MTIF2: variants seen among roughly 807,000 people sequenced by gnomAD.
The protein encoded by MTIF2 is translation initiation factor IF-2, mitochondrial.
In MTIF2, 71 loss-of-function variants were observed where a neutral mutation model predicts 83.5. The observed-to-expected ratio is 0.85, with a 90% CI of 0.70 to 1.04. MTIF2 has a LOEUF of 1.04. Among genes scored for constraint, MTIF2 ranks in the 50% least tolerant of loss-of-function variants. MTIF2 has a pLI of 0.00. For missense variants in MTIF2, 957 were observed against 846.5 expected (o/e 1.13, Z -1.62); for synonymous variants, 319 against 287.1 (o/e 1.11, Z -1.12).
At chr2:55,265,768 A>G (rs745918900) in intron 3 of MTIF2, among the ~76,000 whole-genome samples, 2 of 152,220 alleles carry the variant, frequency 1.3e-5, no homozygotes, top group Non-Finnish European at 2.9e-5. Flanking sequence ...ATATTATTTT[A>G]TATCATTAAA....
intron 7 of MTIF2, among the ~76,000 whole-genome samples, chr2:55,253,427 C>T (rs545297241): frequency 6.6e-6 from 1 of 152,138 alleles, no homozygotes; most frequent in Admixed American, 6.5e-5. Flanking sequence ...ACCTGTAATC[C>T]TAGCACTTTG....
In MTIF2 at chr2:55,263,838, C is replaced by T. The variant is rs779549503; in HGVS notation, c.21G>A (p.Lys7=). Residue 7 remains lysine, a synonymous_variant, in exon 4 of 16, where the codon AAG becomes AAA. Transcript: ENST00000263629. ...TGTGAAATCGTAGCAAGTTCTCCAA[C>T]TTCAGTAGCTTCTGGTTCATGTTTC... MNQKLL[K]LENLLRFHTI... 5 of 1,613,114 alleles carry T rather than the reference C, an allele frequency of 3.1e-6. No individual in the cohort carries two copies. The highest frequency in any genetic ancestry group is 3.4e-6 in the Non-Finnish European group (4 of 1,179,698).
chr2:55,245,485 C>T (rs181408481), intron 10 of MTIF2, among the ~76,000 whole-genome samples: 2 of 152,192 alleles, frequency 1.3e-5, no homozygotes, highest in Admixed American at 6.5e-5. Flanking sequence ...ATCGTGGCCA[C>T]TTCACTCCAG....
chr2:55,263,922 T>C (rs1678236995), intron 3 of MTIF2, 57 bp from the exon 4 acceptor site: 2 of 1,326,098 alleles, frequency 1.5e-6, no homozygotes, highest in East Asian at 2.3e-5. Context: ...CAAATATTAA[T>C]TGGATATTTA....
chr2:55,265,805 T>C (rs966093607), intron 3 of MTIF2, among the ~76,000 whole-genome samples: 8 of 152,236 alleles, frequency 5.3e-5, no homozygotes. Flanking sequence ...TTTGTATCCA[T>C]GTGTTCCACA....
Position 55,236,796 on chromosome 2 carries a change from T to C in MTIF2, c.2036A>G (p.His679Arg). ...WKGSLTSLKH[H>R]KDDISIVKTG... The stretch of plus-strand genomic sequence containing the variant: ...TTTGACAATTGAAATGTCATCTTTA[T>C]GGTGTTTCAATGAGGTTAATGAGCC... Residue 679 changes from histidine to arginine, a missense_variant, in exon 16 of 16, where the codon CAT becomes CGT. This residue lies in a region of MTIF2 where 221 missense variants were observed against 180.6 expected (regional missense o/e 1.22). Coordinates refer to ENST00000263629, the MANE Select transcript of MTIF2 (RefSeq NM_002453.3). 6.2e-7 allele frequency: 1 copy of C among 1,606,470 alleles called. No homozygotes were observed. The highest frequency in any genetic ancestry group is 8.5e-7 in the Non-Finnish European group (1 of 1,178,242).
At chr2:55,266,753 A>G (rs1475237755) in intron 3 of MTIF2, among the ~76,000 whole-genome samples, 2 of 147,182 alleles carry the variant, frequency 1.4e-5, no homozygotes, top group African/African-American at 5.0e-5. Context: ...ATTAAATGCT[A>G]CATTTCATTC....
rs755551556 is a variant in MTIF2 at position 55,263,697 on chromosome 2, T to C, written c.162A>G (p.Pro54=). The part of the protein sequence containing the change: ...WTAQLCAWPW[P]TDVLTGAALS... ...AAGCAGCCCCAGTGAGCACATCTGT[T>C]GGCCAGGGCCAGGCACACAGTTGAG... Residue 54 remains proline, a synonymous_variant, in exon 4 of 16, where the codon CCA becomes CCG. Coordinates refer to ENST00000263629, the MANE Select transcript of MTIF2 (RefSeq NM_002453.3). 6.2e-7 allele frequency: 1 copy of C among 1,614,124 alleles called. No individual in the cohort carries two copies. The highest frequency in any genetic ancestry group is 8.5e-7 in the Non-Finnish European group (1 of 1,180,012).
intron 8 of MTIF2, among the ~76,000 whole-genome samples, chr2:55,251,183 CAAGAG>C (rs1677070534): frequency 6.6e-6 from 1 of 150,734 alleles, no homozygotes; most frequent in Non-Finnish European, 1.5e-5. Context: ...TAACCGGTAC[CAAGAG>C]AAGAGGTGTA....
At position 55,244,143 on chromosome 2, in the gene MTIF2, C is replaced by T. The variant is rs1194350873; in HGVS notation, c.1197G>A (p.Met399Ile). 4.2e-5 allele frequency: 68 copies of T among 1,614,002 alleles called. No homozygotes were observed. The highest frequency in any genetic ancestry group is 5.5e-5 in the Non-Finnish European group (65 of 1,180,026). ...AGKCWAKVRL[M>I]FDENGKTIDE... Reference sequence around the variant, plus strand: ...CAATTGTTTTTCCATTTTCATCAAACATTAAGCGTACTTTTGCCCAACATT... The same window carrying T: ...CAATTGTTTTTCCATTTTCATCAAATATTAAGCGTACTTTTGCCCAACATT... The change falls in exon 11 of 16, where the codon ATG (methionine) becomes ATA (isoleucine). Residue 399 changes from methionine (M) to isoleucine (I), a missense_variant. Met to Ile is a conservative substitution (Grantham distance 10). Transcript: ENST00000263629.
In MTIF2 at chr2:55,249,479, T is replaced by C. The variant is rs764089988; in HGVS notation, c.897A>G (p.Lys299=). ...KCDKAEADPE[K]VKKELLAYDV... ...CGTAAGCCAGCAGCTCTTTTTTCAC[T>C]TTCTCAGGATCAGCCTCAGCTTTGT... The change falls in exon 9 of 16, where the codon AAA becomes AAG. Residue 299 remains lysine, a synonymous_variant. Transcript: ENST00000263629. 1.2e-6 allele frequency: 2 copies of C among 1,614,118 alleles called. No individual in the cohort carries two copies. Among genetic ancestry groups the C allele is most frequent in the South Asian group, 2.2e-5 (2 of 91,078 alleles).
intron 3 of MTIF2, among the ~76,000 whole-genome samples, chr2:55,265,114 G>A (rs1438296083): frequency 2.6e-5 from 4 of 151,696 alleles, no homozygotes; most frequent in Non-Finnish European, 4.4e-5. Flanking sequence ...ATGGTGGCGG[G>A]CGCCTGCAAT....
At chr2:55,243,149 T>TA (rs1676446419) in intron 12 of MTIF2, 69 bp from the exon 13 acceptor site, 1 of 1,440,492 alleles carries the variant, frequency 6.9e-7, no homozygotes, top group Non-Finnish European at 9.4e-7. Context: ...AAAATGACAA[T>TA]AATCTATTTA....
At chr2:55,251,084 T>A (rs1305330892) in intron 8 of MTIF2, among the ~76,000 whole-genome samples, 1 of 120,070 alleles carries the variant, frequency 8.3e-6, no homozygotes, top group Non-Finnish European at 1.6e-5. Context: ...CACTCCAGCC[T>A]GGGCAATAAG....
intron 4 of MTIF2, among the ~76,000 whole-genome samples, chr2:55,262,991 A>G (rs1013148809): frequency 6.6e-6 from 1 of 152,024 alleles, no homozygotes; most frequent in Non-Finnish European, 1.5e-5. Flanking sequence ...CCTCCCAAAG[A>G]GCCGTGATTA....
At chr2:55,256,317 C>G (rs926073308) in intron 5 of MTIF2, among the ~76,000 whole-genome samples, 3 of 148,476 alleles carry the variant, frequency 2.0e-5, no homozygotes, top group Non-Finnish European at 4.4e-5. Flanking sequence ...CACACACACA[C>G]ACACACACAC....
intron 14 of MTIF2, among the ~76,000 whole-genome samples, chr2:55,238,389 GTT>G (rs34278300): frequency 4.3e-5 from 5 of 117,428 alleles, no homozygotes; most frequent in African/African-American, 6.6e-5. Flanking sequence ...TCTGAGCCTG[GTT>G]TTTTTTTTTT....
In MTIF2 at chr2:55,237,509, G is replaced by A. The variant is rs1573841642; in HGVS notation, c.1871-81C>T. 2.2e-6 allele frequency: 3 copies of A among 1,340,770 alleles called. No individual in the cohort carries two copies. The East Asian group carries it at 7.8e-5, about 35-fold the overall frequency. The allele number at this position is 1,340,770 out of a possible 1,614,324, so 83.1% of individuals were successfully genotyped here. On this transcript the variant is annotated intron_variant, in intron 14 of 15. Coordinates refer to ENST00000263629, the MANE Select transcript of MTIF2 (RefSeq NM_002453.3). ...TAATTTCTGACATTCTGTGGTATAA[G>A]AATTAAAGGTATGACAAAAATCCAA...
chr2:55,244,463 A>C (rs1465644485), intron 10 of MTIF2, among the ~76,000 whole-genome samples: 1 of 152,230 alleles, frequency 6.6e-6, no homozygotes, highest in Non-Finnish European at 1.5e-5. Flanking sequence ...ACCTGAGCCC[A>C]GGAGTTCAAA....
Sources: allele counts gnomAD v4.1 joint callset (sites outside exome capture counted in the v4.1 genomes callset), GRCh38; gene constraint gnomAD v4.1.1; regional missense constraint gnomAD v4.1.1; transcripts MANE v1.5; gene names NCBI Gene and HGNC (gene_info 2026-07-23, HGNC 2026-07-21).